B3GALT1: variants seen among roughly 807,000 people sequenced by gnomAD.
B3GALT1 encodes the protein UDP-Gal:betaGlcNAc beta 1,3-galactosyltransferase, polypeptide 1.
A neutral mutation model predicts 23.2 loss-of-function variants in B3GALT1; 10 were observed. That is an observed-to-expected ratio of 0.43 (90% CI 0.27 to 0.73). The LOEUF is 0.73. B3GALT1 is among the 30% of genes least tolerant of loss of function. The probability of loss-of-function intolerance (pLI) is 0.21; values close to 1 mark genes in which losing one functional copy is unlikely to be tolerated. For missense variants in B3GALT1, 299 were observed against 405.4 expected, an observed-to-expected ratio of 0.74 and a Z score of 2.25; for synonymous variants, 156 against 141.5, an observed-to-expected ratio of 1.10 and a Z score of -0.73.
chr2:167,413,977 A>G (rs1466465517), intron 1 of B3GALT1, among the ~76,000 whole-genome samples: 1 of 152,178 alleles, frequency 6.6e-6, no homozygotes, highest in East Asian at 1.9e-4. Context: ...TATATTTAAT[A>G]TATCAGTATT....
chr2:167,554,847 TTTCATA>T (rs1238263755), intron 2 of B3GALT1, among the ~76,000 whole-genome samples: 7 of 152,220 alleles, frequency 4.6e-5, no homozygotes, highest in African/African-American at 1.7e-4. Flanking sequence ...TTTTGTGTCC[TTTCATA>T]TTATTTATTT....
At chr2:167,488,568 G>A (rs1016894756) in intron 1 of B3GALT1, among the ~76,000 whole-genome samples, 5 of 152,100 alleles carry the variant, frequency 3.3e-5, no homozygotes, top group South Asian at 2.1e-4. Flanking sequence ...GAGAAGCCTC[G>A]GTCCTATTGT....
At chr2:167,667,743 C>T (rs1030921021) in intron 3 of B3GALT1, among the ~76,000 whole-genome samples, 14 of 152,190 alleles carry the variant, frequency 9.2e-5, no homozygotes, top group Non-Finnish European at 1.5e-4. Flanking sequence ...TTGATCGCAT[C>T]GGCTGAGGCT....
chr2:167,568,214 A>G (rs1406012286), intron 2 of B3GALT1, among the ~76,000 whole-genome samples: 3 of 152,008 alleles, frequency 2.0e-5, no homozygotes, highest in Admixed American at 6.6e-5. Context: ...TTAGTTTTCA[A>G]CTTTTTTGAG....
chr2:167,526,954 A>G (rs1683230165), intron 2 of B3GALT1, among the ~76,000 whole-genome samples: 2 of 152,148 alleles, frequency 1.3e-5, no homozygotes, highest in Non-Finnish European at 2.9e-5. Context: ...TAGAATTTGC[A>G]TTCAACTATA....
chr2:167,507,950 A>G (rs1022996198), intron 2 of B3GALT1, among the ~76,000 whole-genome samples: 16 of 152,182 alleles, frequency 1.1e-4, no homozygotes, highest in African/African-American at 3.6e-4. Flanking sequence ...TGGAAGTCCA[A>G]GATCAGAGTG....
At chr2:167,381,836 A>T (rs761228722) in intron 1 of B3GALT1, among the ~76,000 whole-genome samples, 1 of 152,210 alleles carries the variant, frequency 6.6e-6, no homozygotes, top group Non-Finnish European at 1.5e-5. Flanking sequence ...AGGCTGAAAC[A>T]TTTGCAACCA....
intron 3 of B3GALT1, among the ~76,000 whole-genome samples, chr2:167,707,117 G>A (rs1686977361): frequency 6.6e-6 from 1 of 152,178 alleles, no homozygotes; most frequent in Non-Finnish European, 1.5e-5. Context: ...CCTCCTGGTT[G>A]ACAGCTAGTG....
chr2:167,793,546 C>G (rs1000165384), intron 3 of B3GALT1, among the ~76,000 whole-genome samples: 3 of 151,450 alleles, frequency 2.0e-5, no homozygotes, highest in Admixed American at 2.0e-4. Context: ...ATGATTAGTT[C>G]GGATTTTCTT....
At chr2:167,867,667 G>GT (rs1690261209) in intron 4 of B3GALT1, among the ~76,000 whole-genome samples, 1 of 152,162 alleles carries the variant, frequency 6.6e-6, no homozygotes, top group African/African-American at 2.4e-5. Flanking sequence ...GTCTGTACAT[G>GT]TAAGCACATG....
chr2:167,577,968 GA>G (rs1468230973), intron 2 of B3GALT1, among the ~76,000 whole-genome samples: 1 of 151,878 alleles, frequency 6.6e-6, no homozygotes, highest in East Asian at 1.9e-4. Context: ...AGTTGTCCTT[GA>G]AATTGAGTAT....
intron 1 of B3GALT1, among the ~76,000 whole-genome samples, chr2:167,319,715 T>C (rs887470918): frequency 2.0e-5 from 3 of 152,108 alleles, no homozygotes; most frequent in African/African-American, 7.2e-5. Flanking sequence ...TATATAATGT[T>C]TGTAATTCCT....
chr2:167,432,273 C>T (rs1425415412), intron 1 of B3GALT1, among the ~76,000 whole-genome samples: 2 of 152,128 alleles, frequency 1.3e-5, no homozygotes, highest in Non-Finnish European at 2.9e-5. Context: ...AGAATTGGGA[C>T]ACCAATGGCT....
intron 2 of B3GALT1, among the ~76,000 whole-genome samples, chr2:167,553,172 A>C (rs756267417): frequency 6.6e-6 from 1 of 152,202 alleles, no homozygotes; most frequent in Non-Finnish European, 1.5e-5. Flanking sequence ...AGGATAACCA[A>C]ATCTAAAACA....
chr2:167,661,521 A>T (rs755379656), intron 3 of B3GALT1, among the ~76,000 whole-genome samples: 5 of 151,972 alleles, frequency 3.3e-5, no homozygotes, highest in African/African-American at 4.8e-5. Flanking sequence ...GGAACTAGAT[A>T]CTCTACCTAG....
At chr2:167,333,190 C>A (rs1697001824) in intron 1 of B3GALT1, among the ~76,000 whole-genome samples, 1 of 152,138 alleles carries the variant, frequency 6.6e-6, no homozygotes, top group Non-Finnish European at 1.5e-5. Flanking sequence ...AACAGCAACC[C>A]AATTTTGGAA....
At chr2:167,585,512 C>T (rs1007198195) in intron 2 of B3GALT1, among the ~76,000 whole-genome samples, 6 of 152,326 alleles carry the variant, frequency 3.9e-5, no homozygotes, top group Admixed American at 6.5e-5. Flanking sequence ...TATAACTACA[C>T]ACCCACTAGA....
chr2:167,816,909 G>A (rs1407099439), intron 3 of B3GALT1, among the ~76,000 whole-genome samples: 1 of 152,048 alleles, frequency 6.6e-6, no homozygotes, highest in African/African-American at 2.4e-5. Flanking sequence ...TTACTTACAT[G>A]GTACACTCCC....
At chr2:167,476,864 C>G (rs571968005) in intron 1 of B3GALT1, among the ~76,000 whole-genome samples, 1 of 152,244 alleles carries the variant, frequency 6.6e-6, no homozygotes, top group East Asian at 1.9e-4. Flanking sequence ...AGGGGGATCA[C>G]CAAATGTGAA....
Sources: allele counts gnomAD v4.1 joint callset (sites outside exome capture counted in the v4.1 genomes callset), GRCh38; gene constraint gnomAD v4.1.1; transcripts MANE v1.5; gene names NCBI Gene and HGNC (gene_info 2026-07-23, HGNC 2026-07-21).